ZFHX3: variants seen among roughly 807,000 people sequenced by gnomAD.
ZFHX3 encodes the protein zinc finger homeobox protein 3.
ZFHX3 carries 42 observed loss-of-function variants against 279.1 expected under a neutral mutation model. The observed-to-expected ratio is 0.15, with a 90% CI of 0.12 to 0.19. The LOEUF (loss-of-function observed/expected upper bound fraction) is 0.19, where lower values mean the gene tolerates loss of function less well. Among genes scored for constraint, ZFHX3 ranks in the 10% least tolerant of loss-of-function variants. ZFHX3 has a pLI of 1.00. For synonymous variants in ZFHX3, 2,293 were observed against 1,957.8 expected (o/e 1.17, Z -4.52); for missense variants, 4,981 against 4,754.0 (o/e 1.05, Z -1.40).
intron 2 of ZFHX3, among the ~76,000 whole-genome samples, chr16:73,559,481 C>T (rs2020338315): frequency 6.6e-6 from 1 of 152,166 alleles, no homozygotes. Flanking sequence ...TCTCTCAGGC[C>T]TGTTCATCCC....
At chr16:73,245,420 C>T (rs909059534) in intron 5 of ZFHX3, among the ~76,000 whole-genome samples, 4 of 152,156 alleles carry the variant, frequency 2.6e-5, no homozygotes, top group African/African-American at 9.7e-5. Context: ...CAGGCATGAA[C>T]CACTGCATGG....
intron 1 of ZFHX3, among the ~76,000 whole-genome samples, chr16:73,791,272 CTCTTT>C (rs550046952): frequency 6.6e-6 from 1 of 150,464 alleles, no homozygotes; most frequent in East Asian, 2.0e-4. Context: ...GCCCCAACTT[CTCTTT>C]TGACTGGCAG....
intron 3 of ZFHX3, among the ~76,000 whole-genome samples, chr16:73,352,916 C>T (rs1384658042): frequency 1.3e-5 from 2 of 152,166 alleles, no homozygotes; most frequent in Non-Finnish European, 2.9e-5. Context: ...TGGCTTGGTT[C>T]AGGGCTGGGG....
At chr16:73,120,325 G>A (rs2018779918) in intron 7 of ZFHX3, among the ~76,000 whole-genome samples, 1 of 150,884 alleles carries the variant, frequency 6.6e-6, no homozygotes, top group Admixed American at 6.6e-5. Context: ...CACATAAGTG[G>A]TGCAATCATA....
chr16:73,308,944 G>A (rs1230674499), intron 4 of ZFHX3, among the ~76,000 whole-genome samples: 3 of 151,928 alleles, frequency 2.0e-5, no homozygotes, highest in Non-Finnish European at 4.4e-5. Context: ...TGGAGAAGCA[G>A]AATTACCAAT....
At chr16:73,502,589 T>C (rs1249630347) in intron 2 of ZFHX3, among the ~76,000 whole-genome samples, 4 of 152,140 alleles carry the variant, frequency 2.6e-5, no homozygotes, top group East Asian at 1.9e-4. Context: ...ATTCCAAAGA[T>C]GGTAGACAGT....
chr16:73,766,601 C>T (rs918351891), intron 1 of ZFHX3, among the ~76,000 whole-genome samples: 1 of 152,174 alleles, frequency 6.6e-6, no homozygotes, highest in Non-Finnish European at 1.5e-5. Context: ...AGAGCTGAAG[C>T]TCTGGAGCTA....
intron 7 of ZFHX3, among the ~76,000 whole-genome samples, chr16:73,098,374 G>A (rs113441146): frequency 2.1e-3 from 310 of 148,628 alleles, no homozygotes; most frequent in Non-Finnish European, 3.6e-3. Context: ...CACCTGTTTT[G>A]TCTTTGAGAT....
At chr16:73,725,544 T>A (rs9806839) in intron 1 of ZFHX3, among the ~76,000 whole-genome samples, 2,899 of 35,754 alleles carry the variant, frequency 0.081, 77 homozygotes, top group African/African-American at 0.14. Flanking sequence ...TGAGTGAGTG[T>A]GTGTGTGTGT....
At chr16:72,836,349 A>G (rs2037192190) in intron 4 of ZFHX3, among the ~76,000 whole-genome samples, 1 of 152,180 alleles carries the variant, frequency 6.6e-6, no homozygotes, top group South Asian at 2.1e-4. Context: ...ACTCTGCAAC[A>G]TCCCAGACAC....
chr16:73,674,102 C>G (rs1567548388), intron 2 of ZFHX3, among the ~76,000 whole-genome samples: 1 of 152,124 alleles, frequency 6.6e-6, no homozygotes, highest in East Asian at 1.9e-4. Context: ...AAGGAAGGGG[C>G]CAAATCTTGT....
upstream of ZFHX3, among the ~76,000 whole-genome samples, chr16:73,051,650 C>T (rs548262655): frequency 6.6e-5 from 10 of 152,190 alleles, no homozygotes; most frequent in Non-Finnish European, 1.5e-4. Flanking sequence ...TGATATCCCA[C>T]AACAAAGATA....
intron 2 of ZFHX3, among the ~76,000 whole-genome samples, chr16:73,564,158 T>C (rs900803380): frequency 1.3e-5 from 2 of 152,156 alleles, no homozygotes; most frequent in African/African-American, 4.8e-5. Flanking sequence ...TCTAGATGTG[T>C]AGAAAACATT....
intron 4 of ZFHX3, among the ~76,000 whole-genome samples, chr16:72,882,162 C>A (rs2038492479): frequency 7.7e-6 from 1 of 129,068 alleles, no homozygotes; most frequent in Admixed American, 8.9e-5. Flanking sequence ...TCAGCAGGTA[C>A]CCCTTTTTCC....
chr16:73,531,714 CAA>C (rs34119200), intron 2 of ZFHX3, among the ~76,000 whole-genome samples: 7,570 of 81,322 alleles, frequency 0.093, 185 homozygotes, highest in South Asian at 0.13. Context: ...AACCCTGTCT[CAA>C]AAAAAAAAAA....
intron 7 of ZFHX3, among the ~76,000 whole-genome samples, chr16:73,115,428 A>T (rs189364284): frequency 6.0e-4 from 90 of 150,804 alleles, no homozygotes; most frequent in Admixed American, 1.1e-3. Flanking sequence ...GTGTGCCTAT[A>T]GTCCCAGCTA....
intron 2 of ZFHX3, among the ~76,000 whole-genome samples, chr16:73,581,956 G>C (rs1416900204): frequency 2.0e-5 from 3 of 151,812 alleles, no homozygotes; most frequent in African/African-American, 7.3e-5. Context: ...TTACAGGCAT[G>C]AGCCACCGCA....
At chr16:73,798,371 G>T (rs1005348931) in intron 1 of ZFHX3, among the ~76,000 whole-genome samples, 4 of 151,892 alleles carry the variant, frequency 2.6e-5, no homozygotes, top group African/African-American at 9.7e-5. Flanking sequence ...AAGTTAACAA[G>T]GTGGGGGGTA....
At chr16:73,539,433 CTT>C (rs1162434013) in intron 2 of ZFHX3, among the ~76,000 whole-genome samples, 204 of 65,072 alleles carry the variant, frequency 3.1e-3, no homozygotes, top group African/African-American at 0.011. Context: ...TCCTCTTCTT[CTT>C]TTTTTTTTTT....
Sources: allele counts gnomAD v4.1 joint callset (sites outside exome capture counted in the v4.1 genomes callset), GRCh38; gene constraint gnomAD v4.1.1; transcripts MANE v1.5; gene names NCBI Gene and HGNC (gene_info 2026-07-23, HGNC 2026-07-21).